ACSL1: variants seen among roughly 807,000 people sequenced by gnomAD.
ACSL1 encodes the protein acyl-CoA synthetase long chain family member 1.
In ACSL1, 41 loss-of-function variants were observed where a neutral mutation model predicts 98.4. The observed-to-expected ratio is 0.42, with a 90% CI of 0.32 to 0.54. ACSL1 has a LOEUF of 0.54. Ranked by LOEUF, ACSL1 falls within the 20% of genes least tolerant of loss-of-function variation. ACSL1 has a pLI of 0.13. For synonymous variants in ACSL1, 316 were observed against 322.7 expected (o/e 0.98, Z 0.22); for missense variants, 734 against 883.1 (o/e 0.83, Z 2.14).
intron 2 of ACSL1, among the ~76,000 whole-genome samples, chr4:184,792,761 G>A (rs28448828): frequency 0.12 from 18,125 of 152,142 alleles, 2,357 homozygotes; most frequent in African/African-American, 0.31. Context: ...TTTTTGAACA[G>A]AAATGCTATA....
chr4:184,782,011 G>A (rs1766357841), intron 4 of ACSL1, among the ~76,000 whole-genome samples: 1 of 152,134 alleles, frequency 6.6e-6, no homozygotes, highest in Non-Finnish European at 1.5e-5. Flanking sequence ...CTCCTGGCCT[G>A]GAACCCTACT....
intron 1 of ACSL1, chr4:184,805,694 C>A (rs961590514): frequency 5.9e-6 from 1 of 169,388 alleles, no homozygotes; most frequent in Non-Finnish European, 1.2e-5. Flanking sequence ...CTGCTGCCCA[C>A]TGGGCTAAAG....
At chr4:184,807,108 C>T (rs986375481) in intron 1 of ACSL1, among the ~76,000 whole-genome samples, 6 of 152,184 alleles carry the variant, frequency 3.9e-5, no homozygotes, top group East Asian at 1.9e-4. Flanking sequence ...AGTCTTTCAA[C>T]GCTGTATGTG....
rs557128839 is a variant in ACSL1, at chr4:184,811,288, A to ATT, written c.-32-7744_-32-7743dup. Among the ~76,000 whole-genome samples, 1,157 of 150,956 alleles carry ATT rather than the reference A, an allele frequency of 7.7e-3. 12 individuals carry two copies. Among genetic ancestry groups the ATT allele is most frequent in the Non-Finnish European group, 0.013 (869 of 67,744 alleles). On this transcript the variant is annotated intron_variant, in intron 1 of 20. Transcript: ENST00000281455. ...CACGCCTGGCTAATTTTTTTTTTGT[A>ATT]TTTTTAGTAGAGACGGGGTTTCACC...
chr4:184,812,988 A>G (rs958140778), intron 1 of ACSL1, among the ~76,000 whole-genome samples: 1 of 152,176 alleles, frequency 6.6e-6, no homozygotes, highest in Non-Finnish European at 1.5e-5. Flanking sequence ...CCTGAGATGT[A>G]CGGAATGCTG....
intron 2 of ACSL1, among the ~76,000 whole-genome samples, chr4:184,791,634 A>G (rs1768383546): frequency 6.6e-6 from 1 of 152,176 alleles, no homozygotes; most frequent in Non-Finnish European, 1.5e-5. Flanking sequence ...GGATGGGCTA[A>G]TGGGTTAGAA....
chr4:184,782,485 G>A lies in ACSL1; in HGVS notation c.375+1442C>T, dbSNP rs141446403. ...TTGAAAACGCCTATCTGCAATGGAC[G>A]TGTCTTCTCTCTTCCAGCCACTAAA... On this transcript the variant is annotated intron_variant, in intron 4 of 20. Transcript: ENST00000281455. Among the ~76,000 whole-genome samples, 1,129 of 152,238 alleles carry A rather than the reference G, an allele frequency of 7.4e-3. 12 individuals carry two copies. Among genetic ancestry groups the A allele is most frequent in the Non-Finnish European group, 0.012 (847 of 68,022 alleles).
Position 184,764,837 on chromosome 4 carries a change from C to A in ACSL1, c.1432+16G>T, listed in dbSNP as rs201691298. 3 of 1,601,108 alleles carry A rather than the reference C, an allele frequency of 1.9e-6. No individual in the cohort carries two copies. Among genetic ancestry groups the A allele is most frequent in the African/African-American group, 1.4e-5 (1 of 73,984 alleles). On this transcript the variant is annotated intron_variant, in intron 15 of 20. Transcript: ENST00000281455. ...TGAATAACAAAATTCCAAAAAGGAG[C>A]CTCCTACAGCCATACCTGCGGTCCA...
At chr4:184,824,559 TGAAA>T (rs941800675) in intron 1 of ACSL1, among the ~76,000 whole-genome samples, 1 of 152,200 alleles carries the variant, frequency 6.6e-6, no homozygotes, top group African/African-American at 2.4e-5. Context: ...TTTGGACTCG[TGAAA>T]GATTTTAGTC....
chr4:184,795,346 C>T (rs1478880292), intron 2 of ACSL1, among the ~76,000 whole-genome samples: 1 of 152,154 alleles, frequency 6.6e-6, no homozygotes, highest in Non-Finnish European at 1.5e-5. Flanking sequence ...GTCCTTTATG[C>T]GTTTCTGTCA....
chr4:184,790,987 C>T (rs1014370937), intron 2 of ACSL1, among the ~76,000 whole-genome samples: 1 of 152,134 alleles, frequency 6.6e-6, no homozygotes, highest in Admixed American at 6.5e-5. Flanking sequence ...TGAGAGAAAA[C>T]AGGAAGAATG....
At chr4:184,811,355 G>C (rs539042087) in intron 1 of ACSL1, among the ~76,000 whole-genome samples, 1 of 152,056 alleles carries the variant, frequency 6.6e-6, no homozygotes, top group Non-Finnish European at 1.5e-5. Flanking sequence ...TTTGTGATCT[G>C]CCCGCCTTGG....
chr4:184,780,334 C>T lies in ACSL1; in HGVS notation c.475G>A (p.Glu159Lys). ...AGCAAGTACCTACTGGTTCATACCT[C>T]AGGTCTATTTTGAGCAAAGATGCCA... is the stretch of plus-strand genomic sequence containing the variant. ...FIGIFAQNRP[E>K]WVIIEQGCFA... The change falls in exon 5 of 21, where the codon GAG becomes AAG. Residue 159 changes from glutamate (E) to lysine (K), a missense_variant and splice_region_variant. By Grantham distance (56) the Glu-to-Lys change is moderately conservative. Coordinates refer to ENST00000281455, the MANE Select transcript of ACSL1 (RefSeq NM_001995.5). The T allele has an allele frequency of 6.2e-7, 1 of 1,613,182 alleles. No individual in the cohort carries two copies. Among genetic ancestry groups the T allele is most frequent in the Non-Finnish European group, 8.5e-7 (1 of 1,179,514 alleles).
intron 14 of ACSL1, among the ~76,000 whole-genome samples, 173 bp from the exon 15 acceptor site, chr4:184,765,098 A>C (rs1394270013): frequency 6.6e-6 from 1 of 152,164 alleles, no homozygotes; most frequent in Admixed American, 6.5e-5. Flanking sequence ...TTACGCCAAC[A>C]CCAGCCGTCA....
At chr4:184,759,031 G>C (rs928245860) in intron 18 of ACSL1, among the ~76,000 whole-genome samples, 4 of 151,588 alleles carry the variant, frequency 2.6e-5, no homozygotes, top group Admixed American at 2.6e-4. Context: ...AGTTTGCTGA[G>C]AATGATGGTT....
chr4:184,823,544 G>A (rs1429651569), intron 1 of ACSL1, among the ~76,000 whole-genome samples: 1 of 152,194 alleles, frequency 6.6e-6, no homozygotes, highest in Non-Finnish European at 1.5e-5. Context: ...AACTGGAAGG[G>A]AGAGAGGAGA....
intron 1 of ACSL1, chr4:184,808,468 C>T: frequency 1.0e-6 from 1 of 985,456 alleles, no homozygotes; most frequent in Non-Finnish European, 1.2e-6. Context: ...CTTGCCCCTG[C>T]AGTGGCAAAT....
At chr4:184,760,139 C>G (rs572618254) in intron 18 of ACSL1, among the ~76,000 whole-genome samples, 1 of 152,150 alleles carries the variant, frequency 6.6e-6, no homozygotes, top group Non-Finnish European at 1.5e-5. Flanking sequence ...TCAGACCTCT[C>G]TAAGTAAAAT....
chr4:184,780,785 T>C (rs1240401100), intron 4 of ACSL1, among the ~76,000 whole-genome samples: 3 of 152,210 alleles, frequency 2.0e-5, no homozygotes, highest in Admixed American at 6.5e-5. Context: ...GTTTTATTTA[T>C]AAAGCAGCCA....
Sources: allele counts gnomAD v4.1 joint callset (sites outside exome capture counted in the v4.1 genomes callset), GRCh38; gene constraint gnomAD v4.1.1; transcripts MANE v1.5; gene names NCBI Gene and HGNC (gene_info 2026-07-23, HGNC 2026-07-21).